ARID1B: variants seen among roughly 807,000 people sequenced by gnomAD.
ARID1B encodes AT-rich interaction domain 1B, also known as AT-rich interactive domain-containing protein 1B.
A neutral mutation model predicts 212.3 loss-of-function variants in ARID1B; 30 were observed. That is an observed-to-expected ratio of 0.14 (90% CI 0.11 to 0.19). The LOEUF is 0.19. Ranked by LOEUF, ARID1B falls within the 10% of genes least tolerant of loss-of-function variation. ARID1B has a pLI of 1.00. For synonymous variants in ARID1B, 1,402 were observed against 1,301.7 expected (o/e 1.08, Z -1.66); for missense variants, 2,891 against 3,204.0 (o/e 0.90, Z 2.36).
intron 4 of ARID1B, among the ~76,000 whole-genome samples, chr6:157,025,418 A>G (rs1780597189): frequency 2.0e-5 from 3 of 152,240 alleles, no homozygotes; most frequent in Admixed American, 2.0e-4. Flanking sequence ...GTAGGACGGT[A>G]GAACATTCTT....
At chr6:157,159,598 G>A (rs1790796928) in intron 8 of ARID1B, among the ~76,000 whole-genome samples, 1 of 152,194 alleles carries the variant, frequency 6.6e-6, no homozygotes, top group Non-Finnish European at 1.5e-5. Context: ...ATGAACAAAA[G>A]GGAAAAACGT....
At chr6:157,116,492 G>A (rs1210217250) in intron 6 of ARID1B, among the ~76,000 whole-genome samples, 1 of 148,420 alleles carries the variant, frequency 6.7e-6, no homozygotes, top group Non-Finnish European at 1.5e-5. Context: ...TAGTAAGCCA[G>A]CAGGGACTTT....
chr6:157,160,120 C>T (rs939267600), intron 8 of ARID1B, among the ~76,000 whole-genome samples: 3 of 152,132 alleles, frequency 2.0e-5, no homozygotes, highest in African/African-American at 2.4e-5. Flanking sequence ...AGGTCACATT[C>T]GCCAGTGGAG....
At chr6:157,180,428 C>T (rs1792428315) in intron 11 of ARID1B, among the ~76,000 whole-genome samples, 1 of 151,992 alleles carries the variant, frequency 6.6e-6, no homozygotes, top group Admixed American at 6.6e-5. Flanking sequence ...ACCACTGGTT[C>T]CCGTGACTGG....
intron 1 of ARID1B, among the ~76,000 whole-genome samples, chr6:156,783,345 A>G (rs921639578): frequency 6.6e-6 from 1 of 151,756 alleles, no homozygotes; most frequent in African/African-American, 2.4e-5. Context: ...AAAAAAAAAA[A>G]CATTAATTCT....
At chr6:156,860,401 G>A (rs1046482755) in intron 2 of ARID1B, among the ~76,000 whole-genome samples, 8 of 151,860 alleles carry the variant, frequency 5.3e-5, no homozygotes, top group African/African-American at 1.9e-4. Context: ...GCCACAATAG[G>A]ATTTGAAAAT....
At chr6:157,131,467 G>C (rs1227420540) in intron 6 of ARID1B, among the ~76,000 whole-genome samples, 3 of 152,122 alleles carry the variant, frequency 2.0e-5, no homozygotes, top group African/African-American at 7.2e-5. Context: ...AGCAGATCGT[G>C]GGCGAGCCGG....
chr6:156,984,041 C>T (rs1777776320), intron 4 of ARID1B, among the ~76,000 whole-genome samples: 1 of 151,826 alleles, frequency 6.6e-6, no homozygotes, highest in African/African-American at 2.4e-5. Flanking sequence ...TTTTTTTTAC[C>T]TCTCCCCATT....
intron 2 of ARID1B, among the ~76,000 whole-genome samples, chr6:156,887,461 T>C (rs903628680): frequency 6.6e-6 from 1 of 152,224 alleles, no homozygotes; most frequent in Non-Finnish European, 1.5e-5. Context: ...TAGGGGTAGA[T>C]AGATTAATGA....
At chr6:156,792,662 T>C (rs1248284713) in intron 1 of ARID1B, among the ~76,000 whole-genome samples, 1 of 152,180 alleles carries the variant, frequency 6.6e-6, no homozygotes, top group Non-Finnish European at 1.5e-5. Context: ...CTCCAGCTAG[T>C]GTCTTAGCAA....
chr6:157,179,478 A>G (rs1434888528), intron 11 of ARID1B, among the ~76,000 whole-genome samples: 2 of 152,206 alleles, frequency 1.3e-5, no homozygotes, highest in Non-Finnish European at 2.9e-5. Flanking sequence ...ACATATATAT[A>G]TTCACACATA....
rs1367196203 is a variant in ARID1B at position 157,148,692 on chromosome 6, A to G, written c.2830A>G (p.Met944Val). The change falls in exon 8 of 20, where the codon ATG becomes GTG. Residue 944 changes from methionine (M) to valine (V), a missense_variant. Physicochemically the swap from Met to Val is conservative, Grantham distance 21. Transcript: ENST00000636930. This position sits in a 1 kb window ranked among gnomAD's most constrained non-coding sequence, Gnocchi z 5.6. ...AAGCTACAGCGGCCCAGGGCCCGGT[A>G]TGGGTATCAGTGCCAACAACCAGAT... ...SASYSGPGPG[M>V]GISANNQMHG... The G allele has an allele frequency of 3.7e-6, 6 of 1,612,788 alleles. No homozygotes were observed. In the East Asian group the frequency reaches 1.1e-4, roughly 30 times the overall value.
chr6:156,836,380 CG>C (rs1425164528), intron 2 of ARID1B, among the ~76,000 whole-genome samples: 9 of 152,120 alleles, frequency 5.9e-5, no homozygotes, highest in Non-Finnish European at 5.9e-5. Context: ...CGTGGGCAAG[CG>C]GGGGCAGCTC....
At chr6:156,993,853 A>C (rs1778419047) in intron 4 of ARID1B, among the ~76,000 whole-genome samples, 1 of 152,234 alleles carries the variant, frequency 6.6e-6, no homozygotes, top group Non-Finnish European at 1.5e-5. Context: ...TATAAAAATC[A>C]AATGGAAATT....
At chr6:157,123,393 A>G (rs750342445) in intron 6 of ARID1B, among the ~76,000 whole-genome samples, 2 of 151,882 alleles carry the variant, frequency 1.3e-5, no homozygotes, top group African/African-American at 4.8e-5. Flanking sequence ...GCCAAATAAC[A>G]TGGTCGGCCA....
intron 4 of ARID1B, among the ~76,000 whole-genome samples, chr6:157,029,228 G>T (rs1263632482): frequency 6.6e-6 from 1 of 152,212 alleles, no homozygotes. Context: ...CATGTGTAAT[G>T]CATGCAAGCA....
intron 3 of ARID1B, among the ~76,000 whole-genome samples, chr6:156,922,548 A>G (rs551776336): frequency 8.0e-4 from 122 of 152,298 alleles, no homozygotes; most frequent in Non-Finnish European, 1.4e-3. Flanking sequence ...CTAATGGCAT[A>G]TTTGCAAATT....
chr6:156,900,319 A>T (rs1423885810), intron 2 of ARID1B, among the ~76,000 whole-genome samples: 1 of 152,192 alleles, frequency 6.6e-6, no homozygotes, highest in Admixed American at 6.5e-5. Flanking sequence ...GTTAGGAATT[A>T]CTGTGCTGAT....
chr6:156,817,463 C>A (rs1252075901), intron 1 of ARID1B, among the ~76,000 whole-genome samples: 1 of 151,626 alleles, frequency 6.6e-6, no homozygotes, highest in African/African-American at 2.4e-5. Flanking sequence ...TAGCAAGACC[C>A]CATCTCTATA....
Sources: gnomAD v4.1 joint callset for allele counts (sites outside exome capture counted in the v4.1 genomes callset) on GRCh38, gnomAD v4.1.1 for gene constraint, Gnocchi (gnomAD v3.1) non-coding constraint, MANE v1.5 for transcripts, NCBI Gene and HGNC (gene_info 2026-07-23, HGNC 2026-07-21) for gene names.